The following GGNBP2 variants were observed in gnomAD, a reference collection of about 807,000 sequenced individuals.
GGNBP2 encodes gametogenetin binding protein 2, also known as gametogenetin-binding protein 2.
A neutral mutation model predicts 85.9 loss-of-function variants in GGNBP2; 10 were observed. The observed-to-expected ratio is 0.12, with a 90% CI of 0.07 to 0.20. GGNBP2 has a LOEUF of 0.20. Ranked by LOEUF, GGNBP2 falls within the 10% of genes least tolerant of loss-of-function variation. The pLI is 1.00. For synonymous variants in GGNBP2, 287 were observed against 285.7 expected (o/e 1.00, Z -0.05); for missense variants, 595 against 857.8 (o/e 0.69, Z 3.83).
intron 10 of GGNBP2, 111 bp from the exon 11 acceptor site, chr17:36,585,729 T>G: frequency 1.1e-6 from 1 of 921,726 alleles, no homozygotes; most frequent in Non-Finnish European, 1.6e-6. Context: ...ATGTTCTACT[T>G]TTAATAAGCC....
intron 4 of GGNBP2, among the ~76,000 whole-genome samples, chr17:36,560,084 G>A (rs2074402495): frequency 6.6e-6 from 1 of 151,928 alleles, no homozygotes; most frequent in South Asian, 2.1e-4. Flanking sequence ...GTCTCCCAAA[G>A]TGCTGGGATT....
chr17:36,563,777 CCT>C (rs1003715537), intron 5 of GGNBP2, among the ~76,000 whole-genome samples: 21 of 150,570 alleles, frequency 1.4e-4, no homozygotes, highest in African/African-American at 3.4e-4. Context: ...TGGAATTTCC[CCT>C]GTCACCCGGG....
chr17:36,589,178 C>T (rs768121790), intron 13 of GGNBP2, 30 bp from the exon 14 acceptor site: 1 of 1,513,638 alleles, frequency 6.6e-7, no homozygotes, highest in Admixed American at 1.7e-5. Flanking sequence ...ATTCTTAAGT[C>T]ATAGTCTTAA....
At chr17:36,557,864 A>C (rs985137356) in intron 4 of GGNBP2, among the ~76,000 whole-genome samples, 3 of 152,212 alleles carry the variant, frequency 2.0e-5, no homozygotes, top group African/African-American at 7.2e-5. Flanking sequence ...CTGTAATCCC[A>C]GCACTTTGGG....
intron 5 of GGNBP2, among the ~76,000 whole-genome samples, chr17:36,563,828 C>G (rs952743915): frequency 2.0e-5 from 3 of 151,310 alleles, no homozygotes; most frequent in Admixed American, 6.6e-5. Flanking sequence ...ACTGCAACCT[C>G]TGCCGCCTGG....
At chr17:36,574,885 G>A (rs2074561033) in intron 6 of GGNBP2, 9 of 748,664 alleles carry the variant, frequency 1.2e-5, no homozygotes, top group Middle Eastern at 3.2e-4. Context: ...TGATGGCCCC[G>A]TGGATGGCAG....
intron 6 of GGNBP2, chr17:36,575,266 A>G (rs1459464086): frequency 3.4e-6 from 2 of 591,456 alleles, no homozygotes; most frequent in Non-Finnish European, 6.2e-6. Context: ...CACGGAAGCC[A>G]CTGCATTTCC....
chr17:36,561,133 T>C (rs2074412762), intron 5 of GGNBP2, among the ~76,000 whole-genome samples: 1 of 152,116 alleles, frequency 6.6e-6, no homozygotes, highest in Admixed American at 6.5e-5. Flanking sequence ...TTTTTTTTTT[T>C]CTTTTTTTGA....
intron 9 of GGNBP2, among the ~76,000 whole-genome samples, chr17:36,584,996 A>G (rs2074686556): frequency 6.6e-6 from 1 of 151,976 alleles, no homozygotes; most frequent in African/African-American, 2.4e-5. Flanking sequence ...TGTGGTTGAT[A>G]TCTGATACAA....
chr17:36,583,802 G>A (rs983539414), intron 9 of GGNBP2, among the ~76,000 whole-genome samples: 7 of 151,994 alleles, frequency 4.6e-5, no homozygotes, highest in Admixed American at 4.6e-4. Context: ...AGATAGTTGT[G>A]GATATTCTTC....
chr17:36,550,686 A>C (rs1262292291), intron 2 of GGNBP2, among the ~76,000 whole-genome samples: 1 of 152,206 alleles, frequency 6.6e-6, no homozygotes, highest in Non-Finnish European at 1.5e-5. Context: ...GATTCAATAA[A>C]CTTTATAAAG....
intron 12 of GGNBP2, 81 bp downstream of exon 12, chr17:36,586,279 G>A (rs1309020264): frequency 2.0e-6 from 3 of 1,500,844 alleles, no homozygotes; most frequent in South Asian, 1.3e-5. Context: ...CATATGTGCA[G>A]CTTAGCTGCT....
chr17:36,553,717 C>G (rs1379353520), intron 2 of GGNBP2, among the ~76,000 whole-genome samples: 1 of 152,114 alleles, frequency 6.6e-6, no homozygotes, highest in African/African-American at 2.4e-5. Flanking sequence ...TTAAGATATA[C>G]ATGTGTTACT....
intron 2 of GGNBP2, among the ~76,000 whole-genome samples, chr17:36,551,829 C>T (rs2074311603): frequency 6.7e-6 from 1 of 148,852 alleles, no homozygotes; most frequent in African/African-American, 2.5e-5. Context: ...GACCCTGTCT[C>T]AAAAAAAAAA....
chr17:36,573,252 A>C (rs2074544469), intron 6 of GGNBP2, among the ~76,000 whole-genome samples: 1 of 152,052 alleles, frequency 6.6e-6, no homozygotes, highest in African/African-American at 2.4e-5. Flanking sequence ...AGCTGGGATT[A>C]CAGGCACACA....
intron 2 of GGNBP2, chr17:36,546,254 C>T (rs534079133): frequency 3.3e-6 from 1 of 306,730 alleles, no homozygotes; most frequent in South Asian, 1.5e-4. Flanking sequence ...TGGTAGCTCT[C>T]ACCACATAAG....
At chr17:36,584,798 GA>G (rs768532834) in intron 9 of GGNBP2, among the ~76,000 whole-genome samples, 39 of 151,954 alleles carry the variant, frequency 2.6e-4, no homozygotes, top group Non-Finnish European at 5.1e-4. Flanking sequence ...CTCTACAAAG[GA>G]ATAAAAAAAT....
chr17:36,560,983 C>G (rs995854386), intron 5 of GGNBP2, 112 bp downstream of exon 5: 1 of 594,168 alleles, frequency 1.7e-6, no homozygotes, highest in Non-Finnish European at 2.9e-6. Context: ...ATTGGTTATA[C>G]TCTATGACAT....
At chr17:36,571,165 G>C (rs1555606736) in intron 6 of GGNBP2, among the ~76,000 whole-genome samples, 1 of 152,162 alleles carries the variant, frequency 6.6e-6, no homozygotes, top group Admixed American at 6.5e-5. Context: ...GGGCATTGTG[G>C]CTCAAGCCTA....
Sources: allele counts gnomAD v4.1 joint callset (sites outside exome capture counted in the v4.1 genomes callset), GRCh38; gene constraint gnomAD v4.1.1; transcripts MANE v1.5; gene names NCBI Gene and HGNC (gene_info 2026-07-23, HGNC 2026-07-21).